The following MSH6 variants were observed in gnomAD, a reference collection of about 807,000 sequenced individuals.
The protein encoded by MSH6 is mutS homolog 6.
Under a neutral mutation model 119.1 loss-of-function variants are expected in MSH6, and 85 were observed. The ratio of observed to expected loss-of-function variants is 0.71; its 90% CI spans 0.60 to 0.85. The LOEUF is 0.85. MSH6 is among the 40% of genes least tolerant of loss of function. The pLI, the probability that MSH6 is intolerant of heterozygous loss-of-function variation, is 0.00. For missense variants in MSH6, 2,163 were observed against 1,655.3 expected (o/e 1.31, Z -5.32); for synonymous variants, 830 against 586.9 (o/e 1.41, Z -5.99).
At chr2:47,805,556 G>C (rs2104519725) in intron 6 of MSH6, 62 bp from the exon 7 acceptor site, 2 of 1,084,584 alleles carry the variant, frequency 1.8e-6, no homozygotes, top group Non-Finnish European at 2.9e-6. Flanking sequence ...TAACCTAGAA[G>C]ATGAATTTAT....
chr2:47,791,567 C>G (rs1003609518), intron 2 of MSH6, among the ~76,000 whole-genome samples: 3 of 152,250 alleles, frequency 2.0e-5, no homozygotes, highest in South Asian at 4.1e-4. Context: ...CCATAACTTT[C>G]TTTTCCCAGA....
chr2:47,793,636 A>T (rs1185154092), intron 2 of MSH6, among the ~76,000 whole-genome samples: 1 of 151,206 alleles, frequency 6.6e-6, no homozygotes, highest in African/African-American at 2.4e-5. Context: ...AATAAATAAA[A>T]TAAAATAATA....
downstream of MSH6, chr2:47,809,850 A>AT (rs1351867513): frequency 1.8e-6 from 1 of 570,340 alleles, no homozygotes; most frequent in African/African-American, 1.9e-5. Flanking sequence ...GTAGATACCT[A>AT]TTTCAACCAC....
At position 47,800,999 on chromosome 2, in the gene MSH6, T is replaced by G. The variant is rs2104436070; in HGVS notation, c.3016T>G (p.Tyr1006Asp). 6.4e-7 allele frequency: 1 copy of G among 1,566,872 alleles called. No individual in the cohort carries two copies. Among genetic ancestry groups the G allele is most frequent in the East Asian group, 2.2e-5 (1 of 44,534 alleles). ...LKSTKKGCKR[Y>D]WTKTIEKKLA... ...ATCTACCAAGAAGGGCTGTAAACGA[T>G]ACTGGACCAAAACTATTGAAAAGAA... is the stretch of plus-strand genomic sequence containing the variant. The change falls in exon 4 of 10, where the codon TAC (tyrosine) becomes GAC (aspartate). Residue 1006 changes from tyrosine (Y) to aspartate (D), a missense_variant. Physicochemically the swap from Tyr to Asp is radical, Grantham distance 160. Transcript: ENST00000234420.
downstream of MSH6, chr2:47,807,832 G>A (rs1243909818): frequency 6.7e-6 from 2 of 300,578 alleles, no homozygotes; most frequent in East Asian, 1.0e-4. Flanking sequence ...AAAAACACCA[G>A]CTTTTCAGAA....
chr2:47,791,206 T>A (rs150046242), intron 2 of MSH6, 83 bp downstream of exon 2: 1 of 1,325,924 alleles, frequency 7.5e-7, no homozygotes, highest in Non-Finnish European at 1.1e-6. Flanking sequence ...CAGACTTTTT[T>A]CTATATGATG....
chr2:47,800,602 G>A lies in MSH6; in HGVS notation c.2619G>A (p.Gly873=), dbSNP rs1315876988. Residue 873 remains glycine (G), a synonymous_variant, in exon 4 of 10, where the codon GGG becomes GGA. Transcript: ENST00000234420. Reference sequence around the variant, plus strand: ...TCAAAGTAATGTGTAAAATTATAGGGATCATGGAAGAAGTTGCTGATGGTT... The same window carrying A: ...TCAAAGTAATGTGTAAAATTATAGGAATCATGGAAGAAGTTGCTGATGGTT... ...EGFKVMCKII[G]IMEEVADGFK... 1 of 1,614,114 alleles carries A rather than the reference G, an allele frequency of 6.2e-7. No individual in the cohort carries two copies. The highest frequency in any genetic ancestry group is 1.6e-4 in the Middle Eastern group (1 of 6,062).
At chr2:47,803,773 A>T in intron 5 of MSH6, 88 bp downstream of exon 5, 1 of 1,519,324 alleles carries the variant, frequency 6.6e-7, no homozygotes, top group Non-Finnish European at 9.1e-7. Context: ...AAACACAGTT[A>T]CATAAAAGTC....
chr2:47,804,767 A>G, intron 5 of MSH6, 143 bp from the exon 6 acceptor site: 1 of 725,040 alleles, frequency 1.4e-6, no homozygotes, highest in South Asian at 1.5e-5. Flanking sequence ...TAGCAAATGG[A>G]TTTCAGAACA....
chr2:47,790,504 T>A (rs1668659680), intron 1 of MSH6, among the ~76,000 whole-genome samples: 1 of 152,238 alleles, frequency 6.6e-6, no homozygotes, highest in African/African-American at 2.4e-5. Context: ...ACCTAATTAG[T>A]AAATTATGTA....
downstream of MSH6, chr2:47,808,613 C>T (rs934721871): frequency 9.8e-6 from 5 of 508,034 alleles, no homozygotes; most frequent in Non-Finnish European, 1.0e-5. Context: ...TCATCTGTGT[C>T]TTCGGAGGGA....
At chr2:47,793,876 G>A (rs1448365962) in intron 2 of MSH6, among the ~76,000 whole-genome samples, 1 of 151,542 alleles carries the variant, frequency 6.6e-6, no homozygotes, top group Non-Finnish European at 1.5e-5. Context: ...GATTATAGGC[G>A]CCCACCACCA....
chr2:47,785,422 G>C (rs1394334021), intron 1 of MSH6, among the ~76,000 whole-genome samples: 2 of 151,874 alleles, frequency 1.3e-5, no homozygotes, highest in Non-Finnish European at 2.9e-5. Flanking sequence ...TCACCATGTT[G>C]GCCAGGCTGG....
In MSH6 at chr2:47,806,578, G is replaced by A. The variant is rs1194990135; in HGVS notation, c.3928G>A (p.Glu1310Lys). The A allele has an allele frequency of 1.9e-6, 3 of 1,613,686 alleles. No homozygotes were observed. Among genetic ancestry groups the A allele is most frequent in the Admixed American group, 3.3e-5 (2 of 59,980 alleles). The change falls in exon 9 of 10, where the codon GAG (glutamate) becomes AAG (lysine). Residue 1310 changes from glutamate to lysine, a missense_variant. Glu to Lys is a moderately conservative substitution (Grantham distance 56). Coordinates refer to ENST00000234420, the MANE Select transcript of MSH6 (RefSeq NM_000179.3). ...FNAARLANLP[E>K]EVIQKGHRKA... ...TGCAGCAAGGCTTGCTAATCTCCCA[G>A]AGGAAGTTATTCAAAAGGGACATAG... is the stretch of plus-strand genomic sequence containing the variant.
At chr2:47,788,326 C>T (rs1668471268) in intron 1 of MSH6, among the ~76,000 whole-genome samples, 1 of 135,572 alleles carries the variant, frequency 7.4e-6, no homozygotes, top group Non-Finnish European at 1.5e-5. Flanking sequence ...ACGATCTCGG[C>T]TTACTGCAAC....
chr2:47,808,755 C>T (rs1464964026), downstream of MSH6: 1 of 291,656 alleles, frequency 3.4e-6, no homozygotes, highest in Non-Finnish European at 6.3e-6. Flanking sequence ...ATATATCAAA[C>T]ACTTAACCCC....
Position 47,803,503 on chromosome 2 carries a change from C to G in MSH6, c.3256C>G (p.Pro1086Ala), listed in dbSNP as rs756108143. ...AGTAATTCTGTTGCCGGAAGATACC[C>G]CCCCCTTCTTAGAGCTTAAAGGATC... ...RPVILLPEDT[P>A]PFLELKGSRH... Residue 1086 changes from proline (P) to alanine (A), a missense_variant, in exon 5 of 10, where the codon CCC becomes GCC. Pro to Ala is a conservative substitution (Grantham distance 27). Transcript: ENST00000234420. 6.2e-7 allele frequency: 1 copy of G among 1,614,054 alleles called. No individual in the cohort carries two copies. The highest frequency in any genetic ancestry group is 8.5e-7 in the Non-Finnish European group (1 of 1,180,022).
intron 3 of MSH6, among the ~76,000 whole-genome samples, chr2:47,796,417 A>T (rs3136320): frequency 4.5e-4 from 69 of 152,004 alleles, no homozygotes; most frequent in African/African-American, 1.6e-3. Flanking sequence ...TGCTTTTTAT[A>T]AAAAAACTGA....
intron 2 of MSH6, among the ~76,000 whole-genome samples, chr2:47,792,763 C>G (rs1430583666): frequency 6.6e-6 from 1 of 151,784 alleles, no homozygotes; most frequent in African/African-American, 2.4e-5. Flanking sequence ...AACTCCTGGG[C>G]TCAAGTGATT....
Sources: allele counts gnomAD v4.1 joint callset (sites outside exome capture counted in the v4.1 genomes callset), GRCh38; gene constraint gnomAD v4.1.1; transcripts MANE v1.5; gene names NCBI Gene and HGNC (gene_info 2026-07-23, HGNC 2026-07-21).